Variants in LANCL2 observed in about 807,000 individuals in gnomAD.
LANCL2 encodes the protein LanC like glutathione S-transferase 2.
A neutral mutation model predicts 56.9 loss-of-function variants in LANCL2; 33 were observed. That is an observed-to-expected ratio of 0.58 (90% CI 0.44 to 0.78). The LOEUF (loss-of-function observed/expected upper bound fraction) is 0.78, where lower values mean the gene tolerates loss of function less well. Among genes scored for constraint, LANCL2 ranks in the 30% least tolerant of loss-of-function variants. The pLI is 0.00. For missense variants in LANCL2, 562 were observed against 580.2 expected (o/e 0.97, Z 0.32); for synonymous variants, 233 against 228.2 (o/e 1.02, Z -0.19).
chr7:55,429,025 C>T (rs1232305345), intron 8 of LANCL2, among the ~76,000 whole-genome samples: 4 of 152,120 alleles, frequency 2.6e-5, no homozygotes, highest in African/African-American at 4.8e-5. Flanking sequence ...CCCGGATATT[C>T]GTTAGATTTG....
chr7:55,381,595 T>C (rs988263508), intron 1 of LANCL2, among the ~76,000 whole-genome samples: 1 of 152,178 alleles, frequency 6.6e-6, no homozygotes, highest in Non-Finnish European at 1.5e-5. Context: ...CTGCTATCTG[T>C]AGAACCAGGA....
At chr7:55,416,381 G>A (rs936696210) in intron 6 of LANCL2, among the ~76,000 whole-genome samples, 1 of 152,092 alleles carries the variant, frequency 6.6e-6, no homozygotes, top group Non-Finnish European at 1.5e-5. Flanking sequence ...GACCTTCAGG[G>A]CTCAGGTGAT....
chr7:55,387,043 GT>G (rs961481593), intron 1 of LANCL2, among the ~76,000 whole-genome samples: 1 of 151,950 alleles, frequency 6.6e-6, no homozygotes, highest in African/African-American at 2.4e-5. Flanking sequence ...AAAAGTTTGG[GT>G]TTTTTTTAAA....
chr7:55,365,716 CGAG>C lies in LANCL2; in HGVS notation c.-305_-303del, dbSNP rs1216705974. 1 of 259,582 alleles carries C rather than the reference CGAG, an allele frequency of 3.9e-6. No homozygotes were observed. The highest frequency in any genetic ancestry group is 2.2e-5 in the African/African-American group (1 of 45,232). 16.1% of individuals were successfully genotyped at this position (259,582 alleles called of 1,614,324 possible). A position where few individuals can be genotyped will look rare whatever the true frequency, so the allele number is the denominator to read the frequency against. On this transcript the variant is annotated 5_prime_UTR_variant, in exon 1 of 9. Transcript: ENST00000254770. The stretch of plus-strand genomic sequence containing the variant: ...GGCTCTGCGGGCCACGGGGAAGGTG[CGAG>C]GAGGCGCGAGCAGGCTGTGAGCCGC...
chr7:55,382,218 A>G (rs1790076846), intron 1 of LANCL2, among the ~76,000 whole-genome samples: 1 of 152,346 alleles, frequency 6.6e-6, no homozygotes, highest in South Asian at 2.1e-4. Context: ...ACTGACTGCT[A>G]TAACCCTCCT....
rs73344570 is a variant in LANCL2 at position 55,371,059 on chromosome 7, G to A, written c.204+4830G>A. Among the ~76,000 whole-genome samples the A allele has an allele frequency of 4.9e-3, 745 of 152,216 alleles. 5 individuals are homozygous for A. The highest frequency in any genetic ancestry group is 0.016 in the African/African-American group (678 of 41,522). Reference sequence around the variant, plus strand: ...AGCTGCTGAAATCTATTCACTTAGCGTGAATCCCACATCCAGTGCATTTTT... The same window carrying A: ...AGCTGCTGAAATCTATTCACTTAGCATGAATCCCACATCCAGTGCATTTTT... On this transcript the variant is annotated intron_variant, in intron 1 of 8. Coordinates refer to ENST00000254770, the MANE Select transcript of LANCL2 (RefSeq NM_018697.4).
At chr7:55,404,834 G>A (rs552169054) in intron 5 of LANCL2, among the ~76,000 whole-genome samples, 5 of 152,132 alleles carry the variant, frequency 3.3e-5, no homozygotes, top group South Asian at 2.1e-4. Flanking sequence ...GGTTGGTCTC[G>A]AACTCCTGAC....
At chr7:55,381,365 G>A (rs1790066899) in intron 1 of LANCL2, among the ~76,000 whole-genome samples, 1 of 152,156 alleles carries the variant, frequency 6.6e-6, no homozygotes, top group Admixed American at 6.5e-5. Flanking sequence ...AGATAATGAG[G>A]AAAAGGGATG....
At chr7:55,422,199 A>G (rs530550259) in intron 6 of LANCL2, among the ~76,000 whole-genome samples, 1 of 152,296 alleles carries the variant, frequency 6.6e-6, no homozygotes, top group East Asian at 1.9e-4. Flanking sequence ...GTAGAATTTT[A>G]CTTAGTATAG....
At chr7:55,372,912 C>T (rs1789960574) in intron 1 of LANCL2, among the ~76,000 whole-genome samples, 5 of 152,186 alleles carry the variant, frequency 3.3e-5, no homozygotes. Flanking sequence ...CACATACATT[C>T]TTCCTCTCAT....
intron 1 of LANCL2, among the ~76,000 whole-genome samples, chr7:55,382,371 G>T (rs1381067411): frequency 6.6e-6 from 1 of 152,178 alleles, no homozygotes; most frequent in Non-Finnish European, 1.5e-5. Flanking sequence ...TTACTGCATG[G>T]CCTTAGCAGG....
intron 1 of LANCL2, among the ~76,000 whole-genome samples, chr7:55,379,425 C>T (rs1790040573): frequency 6.6e-6 from 1 of 152,176 alleles, no homozygotes; most frequent in African/African-American, 2.4e-5. Context: ...TGTCATGTGG[C>T]CACCCTTGTG....
At chr7:55,425,667 C>T (rs754143472) in intron 7 of LANCL2, among the ~76,000 whole-genome samples, 2 of 152,196 alleles carry the variant, frequency 1.3e-5, no homozygotes, top group Non-Finnish European at 2.9e-5. Context: ...GGAGTCACTA[C>T]GTGATGAGAA....
chr7:55,366,113 G>A lies in LANCL2; in HGVS notation c.88G>A (p.Asp30Asn). 2 of 1,546,210 alleles carry A rather than the reference G, an allele frequency of 1.3e-6. No individual in the cohort carries two copies. Among genetic ancestry groups the A allele is most frequent in the Non-Finnish European group, 8.7e-7 (1 of 1,142,894 alleles). The stretch of plus-strand genomic sequence containing the variant: ...ACGGGCGTTCGTCAACCCCTTCCCG[G>A]ACTACGAGGCCGCCGCCGGGGCGCT... The part of the protein sequence containing the change: ...EERAFVNPFP[D>N]YEAAAGALLA... Residue 30 changes from aspartate (D) to asparagine (N), a missense_variant, in exon 1 of 9, where the codon GAC (aspartate) becomes AAC (asparagine). Physicochemically the swap from Asp to Asn is conservative, Grantham distance 23. Transcript: ENST00000254770.
rs553569464 is a variant in LANCL2, at chr7:55,399,489, A to G, written c.531-468A>G. 2.0e-5 allele frequency among the ~76,000 whole-genome samples: 3 copies of G among 152,146 alleles called. No individual in the cohort carries two copies. The South Asian group carries it at 6.2e-4, about 32-fold the overall frequency. ...CTCCAAAGTAGCTGGGATTACAAGC[A>G]TGTGCCACCACACCCAGCTAGTTTT... On this transcript the variant is annotated intron_variant, in intron 3 of 8. Coordinates refer to ENST00000254770, the MANE Select transcript of LANCL2 (RefSeq NM_018697.4).
chr7:55,407,895 G>T (rs569119230), intron 5 of LANCL2, among the ~76,000 whole-genome samples: 1 of 152,196 alleles, frequency 6.6e-6, no homozygotes, highest in Non-Finnish European at 1.5e-5. Context: ...GATTCCCACC[G>T]TTCCGCAGCC....
At chr7:55,427,122 A>G (rs773327229) in intron 7 of LANCL2, among the ~76,000 whole-genome samples, 1 of 152,302 alleles carries the variant, frequency 6.6e-6, no homozygotes, top group Middle Eastern at 3.4e-3. Context: ...TGTGTGGCCA[A>G]AGGTAAAAGT....
chr7:55,370,249 A>G (rs1294662301), intron 1 of LANCL2, among the ~76,000 whole-genome samples: 1 of 152,144 alleles, frequency 6.6e-6, no homozygotes, highest in Non-Finnish European at 1.5e-5. Flanking sequence ...CTTCCCTGAG[A>G]CTGAGTGATC....
At chr7:55,411,213 G>GT (rs1200614263) in intron 5 of LANCL2, 1 of 150,676 alleles carries the variant, frequency 6.6e-6, no homozygotes, top group Non-Finnish European at 1.5e-5. Flanking sequence ...CTCTTTGAAT[G>GT]TTTTTATTTA....
Sources: gnomAD v4.1 joint callset for allele counts (sites outside exome capture counted in the v4.1 genomes callset) on GRCh38, gnomAD v4.1.1 for gene constraint, MANE v1.5 for transcripts, NCBI Gene and HGNC (gene_info 2026-07-23, HGNC 2026-07-21) for gene names.